BORCS5: variants seen among roughly 807,000 people sequenced by gnomAD.
The protein encoded by BORCS5 is BLOC-1-related complex subunit 5.
Under a neutral mutation model 22.1 loss-of-function variants are expected in BORCS5, and 17 were observed. That is an observed-to-expected ratio of 0.77 (90% CI 0.53 to 1.15). The LOEUF (loss-of-function observed/expected upper bound fraction) is 1.15. Ranked by LOEUF, BORCS5 falls within the 50% of genes most tolerant of loss-of-function variation. The probability of loss-of-function intolerance (pLI) is 0.00; values close to 1 mark genes in which losing one functional copy is unlikely to be tolerated. For missense variants in BORCS5, 247 were observed against 253.2 expected (o/e 0.98, Z 0.17); for synonymous variants, 117 against 99.8 (o/e 1.17, Z -1.03).
intron 2 of BORCS5, among the ~76,000 whole-genome samples, chr12:12,390,435 T>C (rs1414759405): frequency 6.6e-6 from 1 of 152,068 alleles, no homozygotes; most frequent in Non-Finnish European, 1.5e-5. Context: ...CAAAATGCTT[T>C]AATTTTAAAA....
In BORCS5 at chr12:12,369,712, C is replaced by CTTTTTTTTTTTT. The variant is rs71061052; in HGVS notation, c.202+8382_202+8393dup. Among the ~76,000 whole-genome samples, 35 of 42,948 alleles carry CTTTTTTTTTTTT rather than the reference C, an allele frequency of 8.1e-4. 2 individuals are homozygous for CTTTTTTTTTTTT. Among genetic ancestry groups the CTTTTTTTTTTTT allele is most frequent in the African/African-American group, 3.0e-3 (30 of 10,168 alleles). 28.2% of individuals were successfully genotyped at this position (42,948 alleles called of 152,430 possible). On this transcript the variant is annotated intron_variant, in intron 2 of 3. Transcript: ENST00000314565. Reference sequence around the variant, plus strand: ...GTGTGGTTTCATTCACCCCCCACTTCTTTTTTTTTTTTTTTTTTTTTTTTT... The same window carrying CTTTTTTTTTTTT: ...GTGTGGTTTCATTCACCCCCCACTTCTTTTTTTTTTTTTTTTTTTTTTTTTTTTTTTTTTTTT...
At chr12:12,443,515 G>A (rs767106502) in intron 3 of BORCS5, among the ~76,000 whole-genome samples, 15 of 152,168 alleles carry the variant, frequency 9.9e-5, no homozygotes, top group African/African-American at 1.9e-4. Context: ...CTGGTTCGGC[G>A]GACTGTAAGG....
At chr12:12,464,745 G>C (rs906707048) in intron 3 of BORCS5, among the ~76,000 whole-genome samples, 1 of 152,108 alleles carries the variant, frequency 6.6e-6, no homozygotes, top group African/African-American at 2.4e-5. Context: ...AGTCACGCAA[G>C]GGCAGCCCAG....
chr12:12,358,855 A>G (rs2136010060), intron 1 of BORCS5, among the ~76,000 whole-genome samples: 1 of 152,352 alleles, frequency 6.6e-6, no homozygotes, highest in South Asian at 2.1e-4. Context: ...TAAATTACCA[A>G]AACAGGTAAA....
Position 12,470,805 on chromosome 12 carries a change from G to C in BORCS5, c.*5029G>C, listed in dbSNP as rs192122739. Among the ~76,000 whole-genome samples, 1 of 151,894 alleles carries C rather than the reference G, an allele frequency of 6.6e-6. No homozygotes were observed. The highest frequency in any genetic ancestry group is 6.6e-5 in the Admixed American group (1 of 15,254). Reference sequence around the variant, plus strand: ...ATAAAAAAGTTGGCAACTAGATCTAGTTGCCTGCCAGGATGACCAGCGTTA... The same window carrying C: ...ATAAAAAAGTTGGCAACTAGATCTACTTGCCTGCCAGGATGACCAGCGTTA... On this transcript the variant is annotated 3_prime_UTR_variant, in exon 4 of 4. Coordinates refer to ENST00000314565, the MANE Select transcript of BORCS5 (RefSeq NM_058169.6).
At chr12:12,372,495 A>G (rs1863553380) in intron 2 of BORCS5, among the ~76,000 whole-genome samples, 2 of 152,130 alleles carry the variant, frequency 1.3e-5, no homozygotes, top group South Asian at 2.1e-4. Context: ...ACAGGCATGC[A>G]CCACCACACC....
chr12:12,445,529 C>CTTTTT (rs56356376), intron 3 of BORCS5, among the ~76,000 whole-genome samples: 1 of 39,010 alleles, frequency 2.6e-5, no homozygotes, highest in Non-Finnish European at 4.3e-5. Context: ...TTTGAAATAC[C>CTTTTT]TTTTTTTTTT....
chr12:12,447,395 C>A (rs1029083015), intron 3 of BORCS5, among the ~76,000 whole-genome samples: 4 of 152,136 alleles, frequency 2.6e-5, no homozygotes. Flanking sequence ...CCCTGGTGCA[C>A]AGGAAGTGTT....
chr12:12,416,584 A>G (rs1300535895), intron 2 of BORCS5, among the ~76,000 whole-genome samples: 1 of 151,768 alleles, frequency 6.6e-6, no homozygotes, highest in Non-Finnish European at 1.5e-5. Flanking sequence ...CTGAGACTAC[A>G]GACACACACC....
intron 2 of BORCS5, among the ~76,000 whole-genome samples, chr12:12,427,172 C>CTTTTTTTTT (rs869191667): frequency 1.0e-3 from 87 of 84,430 alleles, no homozygotes; most frequent in East Asian, 1.7e-3. Flanking sequence ...TCTTTCTTTT[C>CTTTTTTTTT]TTTTTTTTTT....
chr12:12,371,114 A>G (rs906174090), intron 2 of BORCS5, among the ~76,000 whole-genome samples: 1 of 152,094 alleles, frequency 6.6e-6, no homozygotes, highest in African/African-American at 2.4e-5. Context: ...GCACAATATA[A>G]TGTTCCAGAC....
intron 2 of BORCS5, among the ~76,000 whole-genome samples, chr12:12,388,441 G>A (rs1863929505): frequency 1.3e-5 from 2 of 151,196 alleles, no homozygotes; most frequent in South Asian, 2.1e-4. Flanking sequence ...TGCTGGCCGA[G>A]GATAGTTAAT....
chr12:12,427,619 G>C (rs1309950197), intron 2 of BORCS5, among the ~76,000 whole-genome samples: 1 of 152,096 alleles, frequency 6.6e-6, no homozygotes, highest in Non-Finnish European at 1.5e-5. Flanking sequence ...TGTTTTTGGG[G>C]GTATCATAGT....
chr12:12,406,972 T>C (rs1941609692), intron 2 of BORCS5, among the ~76,000 whole-genome samples: 1 of 152,208 alleles, frequency 6.6e-6, no homozygotes, highest in Non-Finnish European at 1.5e-5. Context: ...CACCAGCTGC[T>C]GAAGTGTGGG....
At chr12:12,450,313 A>G (rs748153202) in intron 3 of BORCS5, among the ~76,000 whole-genome samples, 1 of 152,200 alleles carries the variant, frequency 6.6e-6, no homozygotes, top group Non-Finnish European at 1.5e-5. Flanking sequence ...TTACAGATGA[A>G]GATTGCTTTG....
At chr12:12,364,884 T>C (rs1863371603) in intron 2 of BORCS5, among the ~76,000 whole-genome samples, 1 of 152,110 alleles carries the variant, frequency 6.6e-6, no homozygotes. Flanking sequence ...GGAGTATCAC[T>C]TGAGCCCTAG....
chr12:12,441,816 T>G (rs1942689095), intron 3 of BORCS5, among the ~76,000 whole-genome samples: 1 of 152,162 alleles, frequency 6.6e-6, no homozygotes, highest in Non-Finnish European at 1.5e-5. Flanking sequence ...TGTAGTGAAT[T>G]TAACTGTTTA....
chr12:12,445,781 G>A (rs560915120), intron 3 of BORCS5, among the ~76,000 whole-genome samples: 1 of 149,808 alleles, frequency 6.7e-6, no homozygotes, highest in African/African-American at 2.4e-5. Flanking sequence ...TTACAGGTGC[G>A]TGACACTATG....
In BORCS5 at chr12:12,448,434, C is replaced by G. The variant is rs1451607864; in HGVS notation, c.360+12649C>G. Among the ~76,000 whole-genome samples, 3 of 151,720 alleles carry G rather than the reference C, an allele frequency of 2.0e-5. No homozygotes were observed. In the East Asian group the frequency reaches 5.8e-4, roughly 29 times the overall value. On this transcript the variant is annotated intron_variant, in intron 3 of 3. Coordinates refer to ENST00000314565, the MANE Select transcript of BORCS5 (RefSeq NM_058169.6). ...TTTAACAATGTTGGCCAGCTGGTCT[C>G]GAACTCCTGACCTCAGTTGATCTGC... is the stretch of plus-strand genomic sequence containing the variant.
Sources: allele counts gnomAD v4.1 joint callset (sites outside exome capture counted in the v4.1 genomes callset), GRCh38; gene constraint gnomAD v4.1.1; transcripts MANE v1.5; gene names NCBI Gene and HGNC (gene_info 2026-07-23, HGNC 2026-07-21).